RHOBTB1: variants seen among roughly 807,000 people sequenced by gnomAD.
RHOBTB1 encodes the protein Rho related BTB domain containing 1, also known as rho-related BTB domain-containing protein 1.
Under a neutral mutation model 71.6 loss-of-function variants are expected in RHOBTB1, and 40 were observed. That is an observed-to-expected ratio of 0.56 (90% confidence interval 0.43 to 0.73). The LOEUF is 0.73. RHOBTB1 is among the 30% of genes least tolerant of loss of function. The pLI, the probability that RHOBTB1 is intolerant of heterozygous loss-of-function variation, is 0.00. For missense variants in RHOBTB1, 797 were observed against 894.0 expected (o/e 0.89, Z 1.38); for synonymous variants, 319 against 334.9 (o/e 0.95, Z 0.52).
intron 2 of RHOBTB1, among the ~76,000 whole-genome samples, chr10:60,970,584 T>A (rs149100622): frequency 1.6e-4 from 25 of 152,260 alleles, no homozygotes; most frequent in African/African-American, 4.6e-4. Context: ...TAGTTCACTA[T>A]GAAACTTTAG....
chr10:60,878,125 T>C, intron 7 of RHOBTB1, 67 bp from the exon 8 acceptor site: 2 of 1,296,916 alleles, frequency 1.5e-6, no homozygotes, highest in East Asian at 2.3e-5. Flanking sequence ...TTTCAGGCTA[T>C]GCTGCTTATA....
intron 5 of RHOBTB1, among the ~76,000 whole-genome samples, chr10:60,891,332 TGC>T (rs2081905844): frequency 1.4e-5 from 2 of 140,852 alleles, no homozygotes; most frequent in African/African-American, 2.7e-5. Flanking sequence ...TGTTGCTGTT[TGC>T]TTTTTTTTTT....
chr10:60,903,751 A>G (rs2082527180), intron 4 of RHOBTB1, among the ~76,000 whole-genome samples: 1 of 152,072 alleles, frequency 6.6e-6, no homozygotes, highest in South Asian at 2.1e-4. Flanking sequence ...AACCAGCATG[A>G]TTTTGTGTGA....
intron 1 of RHOBTB1, among the ~76,000 whole-genome samples, chr10:61,000,433 G>A (rs769124867): frequency 6.6e-6 from 1 of 152,016 alleles, no homozygotes; most frequent in Non-Finnish European, 1.5e-5. Context: ...AAGATGATGC[G>A]ACAGGATTCT....
At chr10:60,885,754 G>A (rs1332952209) in intron 7 of RHOBTB1, among the ~76,000 whole-genome samples, 1 of 152,146 alleles carries the variant, frequency 6.6e-6, no homozygotes, top group Non-Finnish European at 1.5e-5. Flanking sequence ...TCTTGTACTT[G>A]GTTTTGATAG....
At chr10:60,962,275 G>T (rs1458903833) in intron 2 of RHOBTB1, among the ~76,000 whole-genome samples, 1 of 152,120 alleles carries the variant, frequency 6.6e-6, no homozygotes, top group African/African-American at 2.4e-5. Context: ...TAATCTGGTT[G>T]TCTGTGACCA....
intron 1 of RHOBTB1, among the ~76,000 whole-genome samples, chr10:60,998,899 C>A (rs996567599): frequency 6.6e-6 from 1 of 152,210 alleles, no homozygotes; most frequent in Non-Finnish European, 1.5e-5. Flanking sequence ...TGTAGTGGTT[C>A]AAATCCTGGC....
At chr10:60,958,239 A>C (rs1348382152) in intron 2 of RHOBTB1, among the ~76,000 whole-genome samples, 2 of 152,202 alleles carry the variant, frequency 1.3e-5, no homozygotes, top group South Asian at 2.1e-4. Context: ...TGAGCACAGC[A>C]TGTTACAAAG....
intron 2 of RHOBTB1, among the ~76,000 whole-genome samples, chr10:60,920,692 C>T (rs537595221): frequency 6.6e-6 from 1 of 151,792 alleles, no homozygotes; most frequent in African/African-American, 2.4e-5. Flanking sequence ...CTCTGTCACC[C>T]AGGCTAGAGT....
chr10:60,915,658 G>A (rs953271384), intron 2 of RHOBTB1, among the ~76,000 whole-genome samples: 2 of 152,194 alleles, frequency 1.3e-5, no homozygotes, highest in African/African-American at 2.4e-5. Flanking sequence ...GAAGGGCATG[G>A]TGGAGTGGTT....
chr10:60,929,588 C>G (rs1225043978), intron 2 of RHOBTB1, among the ~76,000 whole-genome samples: 1 of 152,004 alleles, frequency 6.6e-6, no homozygotes, highest in Non-Finnish European at 1.5e-5. Flanking sequence ...TAAGATCATC[C>G]TACATAGTTA....
chr10:60,914,471 T>A (rs954874646), intron 2 of RHOBTB1, among the ~76,000 whole-genome samples: 5 of 152,200 alleles, frequency 3.3e-5, no homozygotes, highest in East Asian at 3.9e-4. Flanking sequence ...GAATTTTTTT[T>A]ATTTATTTAT....
downstream of RHOBTB1, chr10:60,869,380 AAAG>A (rs1370768720): frequency 1.3e-5 from 2 of 152,516 alleles, no homozygotes; most frequent in African/African-American, 2.4e-5. Context: ...TAATTTAAAA[AAAG>A]CTGTTAAATC....
intron 1 of RHOBTB1, among the ~76,000 whole-genome samples, chr10:60,990,908 A>G (rs2082307): frequency 0.51 from 77,269 of 152,092 alleles, 19,937 homozygotes; most frequent in East Asian, 0.73. Context: ...GTGATGTCTC[A>G]AGACATCTCA....
At chr10:60,988,078 C>T (rs2086728991) in intron 1 of RHOBTB1, among the ~76,000 whole-genome samples, 1 of 151,080 alleles carries the variant, frequency 6.6e-6, no homozygotes, top group Non-Finnish European at 1.5e-5. Context: ...ACTACAGGCG[C>T]CCACCACCAC....
At chr10:60,935,593 G>T (rs1358799161) in intron 2 of RHOBTB1, among the ~76,000 whole-genome samples, 1 of 152,042 alleles carries the variant, frequency 6.6e-6, no homozygotes, top group Non-Finnish European at 1.5e-5. Flanking sequence ...TACACCAGAT[G>T]ATCTATATGA....
At chr10:60,904,872 G>A (rs1285966604) in intron 4 of RHOBTB1, among the ~76,000 whole-genome samples, 1 of 152,054 alleles carries the variant, frequency 6.6e-6, no homozygotes, top group Non-Finnish European at 1.5e-5. Flanking sequence ...GCAATTTTTA[G>A]TTCTTTTTGT....
At chr10:60,880,443 G>A (rs1019161712) in intron 7 of RHOBTB1, among the ~76,000 whole-genome samples, 3 of 152,044 alleles carry the variant, frequency 2.0e-5, no homozygotes, top group African/African-American at 7.2e-5. Context: ...CAGATAGGTA[G>A]ACCCATCCCT....
chr10:60,933,533 A>G (rs2084381132), intron 2 of RHOBTB1, among the ~76,000 whole-genome samples: 1 of 152,178 alleles, frequency 6.6e-6, no homozygotes, highest in Admixed American at 6.5e-5. Context: ...CAGCCTGGCC[A>G]ACATAGTGAA....
Sources: allele counts gnomAD v4.1 joint callset (sites outside exome capture counted in the v4.1 genomes callset), GRCh38; gene constraint gnomAD v4.1.1; transcripts MANE v1.5; gene names NCBI Gene and HGNC (gene_info 2026-07-23, HGNC 2026-07-21).